RTN1: variants seen among roughly 807,000 people sequenced by gnomAD.
The protein encoded by RTN1 is reticulon-1.
In RTN1, 25 loss-of-function variants were observed where a neutral mutation model predicts 65.5. The observed-to-expected ratio is 0.38, with a 90% CI of 0.28 to 0.53. RTN1 has a LOEUF of 0.53. Ranked by LOEUF, RTN1 falls within the 20% of genes least tolerant of loss-of-function variation. The pLI, the probability that RTN1 is intolerant of heterozygous loss-of-function variation, is 0.79. For synonymous variants in RTN1, 471 were observed against 447.6 expected, an observed-to-expected ratio of 1.05 and a Z score of -0.66; for missense variants, 983 against 1,025.4, an observed-to-expected ratio of 0.96 and a Z score of 0.57.
At chr14:59,812,743 T>C (rs1886751754) in intron 1 of RTN1, among the ~76,000 whole-genome samples, 1 of 152,202 alleles carries the variant, frequency 6.6e-6, no homozygotes, top group African/African-American at 2.4e-5. Context: ...TTCCCTAGTA[T>C]ATCAAATGCA....
chr14:59,840,874 T>C (rs994360127), intron 1 of RTN1, among the ~76,000 whole-genome samples: 14 of 152,228 alleles, frequency 9.2e-5, no homozygotes, highest in African/African-American at 3.4e-4. Context: ...TTAGCACAAA[T>C]ACTTTTTCAT....
intron 4 of RTN1, among the ~76,000 whole-genome samples, chr14:59,606,459 T>C (rs1269312323): frequency 6.6e-6 from 1 of 152,102 alleles, no homozygotes; most frequent in Non-Finnish European, 1.5e-5. Flanking sequence ...ATGGGATTAG[T>C]GCCCTTAGAA....
intron 3 of RTN1, among the ~76,000 whole-genome samples, chr14:59,654,253 C>T (rs1883075455): frequency 6.6e-6 from 1 of 152,020 alleles, no homozygotes; most frequent in African/African-American, 2.4e-5. Flanking sequence ...TGGCGAAACC[C>T]CGTCTCTACT....
At chr14:59,741,290 C>T (rs1885111468) in intron 2 of RTN1, among the ~76,000 whole-genome samples, 1 of 152,182 alleles carries the variant, frequency 6.6e-6, no homozygotes, top group South Asian at 2.1e-4. Context: ...ACATGACTTG[C>T]TCCCTCACTC....
chr14:59,637,614 T>G (rs916688958), intron 3 of RTN1, among the ~76,000 whole-genome samples: 2 of 148,502 alleles, frequency 1.3e-5, no homozygotes, highest in African/African-American at 5.0e-5. Context: ...CAGGAGGCTG[T>G]GGCAGGAGAA....
chr14:59,833,852 T>C (rs776585765), intron 1 of RTN1, among the ~76,000 whole-genome samples: 3 of 152,218 alleles, frequency 2.0e-5, no homozygotes, highest in Admixed American at 1.3e-4. Context: ...GCAAATGCTA[T>C]CTCTGAAACA....
At chr14:59,665,899 A>T (rs1263180042) in intron 3 of RTN1, among the ~76,000 whole-genome samples, 2 of 152,172 alleles carry the variant, frequency 1.3e-5, no homozygotes, top group Non-Finnish European at 2.9e-5. Flanking sequence ...AACTATCCTA[A>T]ATATATATGC....
At chr14:59,701,637 A>G (rs1346785963) in intron 3 of RTN1, among the ~76,000 whole-genome samples, 1 of 152,170 alleles carries the variant, frequency 6.6e-6, no homozygotes, top group Non-Finnish European at 1.5e-5. Flanking sequence ...TAATAGGCAA[A>G]TCTATAGAAA....
chr14:59,669,802 G>A (rs943149619), intron 3 of RTN1, among the ~76,000 whole-genome samples: 8 of 152,044 alleles, frequency 5.3e-5, no homozygotes, highest in African/African-American at 1.7e-4. Flanking sequence ...CTGCCGATGA[G>A]TGGATTTTCT....
At chr14:59,652,452 GA>G (rs2140200248) in intron 3 of RTN1, among the ~76,000 whole-genome samples, 1 of 152,260 alleles carries the variant, frequency 6.6e-6, no homozygotes, top group East Asian at 1.9e-4. Context: ...TGGCAGATTG[GA>G]TAAAGAAAAT....
intron 1 of RTN1, among the ~76,000 whole-genome samples, chr14:59,801,223 C>CA (rs1266641401): frequency 6.6e-6 from 1 of 151,976 alleles, no homozygotes; most frequent in Non-Finnish European, 1.5e-5. Context: ...TTAATCAAGA[C>CA]AAAAAATCAC....
In RTN1 at chr14:59,727,519, T is replaced by C; in HGVS notation, c.1165A>G (p.Arg389Gly). 1 of 1,605,018 alleles carries C rather than the reference T, an allele frequency of 6.2e-7. No individual in the cohort carries two copies. Among genetic ancestry groups the C allele is most frequent in the Non-Finnish European group, 8.5e-7 (1 of 1,176,524 alleles). ...QLADRPEVKA[R>G]SGPPTIPSPL... ...CTGGGGATGGTTGGCGGTCCGGACC[T>C]GGCCTTGACCTCGGGCCTGTCGGCC... is the stretch of plus-strand genomic sequence containing the variant. Residue 389 changes from arginine (R) to glycine (G), a missense_variant, in exon 3 of 9, where the codon AGG (arginine) becomes GGG (glycine). By Grantham distance (125) the Arg-to-Gly change is moderately radical. Around this residue, in one of 2 missense-constraint regions of RTN1, gnomAD observed 818 missense variants for 801.8 expected, o/e 1.02. Coordinates refer to ENST00000267484, the MANE Select transcript of RTN1 (RefSeq NM_021136.3). This position sits in a 1 kb window ranked among gnomAD's most constrained non-coding sequence, Gnocchi z 4.2.
At chr14:59,847,176 G>T (rs536290092) in intron 1 of RTN1, among the ~76,000 whole-genome samples, 1 of 151,960 alleles carries the variant, frequency 6.6e-6, no homozygotes, top group Admixed American at 6.6e-5. Context: ...TACTTCTATC[G>T]TATTTCTTCA....
intron 1 of RTN1, among the ~76,000 whole-genome samples, chr14:59,830,144 G>A (rs1038530957): frequency 2.0e-5 from 3 of 152,156 alleles, no homozygotes; most frequent in African/African-American, 7.2e-5. Flanking sequence ...GCAGCACCCT[G>A]CTGTTACAAT....
chr14:59,665,784 T>C (rs747395352), intron 3 of RTN1, among the ~76,000 whole-genome samples: 13 of 151,220 alleles, frequency 8.6e-5, no homozygotes, highest in South Asian at 8.3e-4. Context: ...AAAGCAGGGG[T>C]TGCAATCCTA....
rs760072176 is a variant in RTN1 at position 59,790,702 on chromosome 14, G to C, written c.242-44221C>G. Among the ~76,000 whole-genome samples the C allele has an allele frequency of 3.9e-5, 6 of 151,982 alleles. No homozygotes were observed. Among genetic ancestry groups the C allele is most frequent in the African/African-American group, 7.2e-5 (3 of 41,392 alleles). On this transcript the variant is annotated intron_variant, in intron 1 of 8. Coordinates refer to ENST00000267484, the MANE Select transcript of RTN1 (RefSeq NM_021136.3). This position sits in a 1 kb window ranked among gnomAD's most constrained non-coding sequence, Gnocchi z 4.1. ...AATCAGTTACTTCAAGACTTTTTTT[G>C]CAAGTTCTTTTTAATGTTTTTTCTT... is the stretch of plus-strand genomic sequence containing the variant.
intron 3 of RTN1, among the ~76,000 whole-genome samples, chr14:59,667,831 G>A (rs1212638107): frequency 6.6e-6 from 1 of 152,054 alleles, no homozygotes; most frequent in African/African-American, 2.4e-5. Context: ...CAAACAGAGA[G>A]CCAAATCATG....
chr14:59,797,838 C>T (rs1886467404), intron 1 of RTN1, among the ~76,000 whole-genome samples: 1 of 152,144 alleles, frequency 6.6e-6, no homozygotes, highest in Admixed American at 6.5e-5. Context: ...GTTTGAAAGG[C>T]TAAAATCCAA....
chr14:59,608,851 C>A (rs1002744097), intron 3 of RTN1, among the ~76,000 whole-genome samples: 2 of 152,058 alleles, frequency 1.3e-5, no homozygotes, highest in African/African-American at 2.4e-5. Context: ...TGAAACAGAT[C>A]TTTTTTTTCT....
Sources: allele counts gnomAD v4.1 joint callset (sites outside exome capture counted in the v4.1 genomes callset), GRCh38; gene constraint gnomAD v4.1.1; regional missense constraint gnomAD v4.1.1; non-coding constraint Gnocchi (gnomAD v3.1); transcripts MANE v1.5; gene names NCBI Gene and HGNC (gene_info 2026-07-23, HGNC 2026-07-21).